The following SMC1A variants were observed in gnomAD, a reference collection of about 807,000 sequenced individuals.
SMC1A encodes the protein structural maintenance of chromosomes 1A.
Under a neutral mutation model 94.5 loss-of-function variants are expected in SMC1A, and 4 were observed. That is an observed-to-expected ratio of 0.04 (90% CI 0.02 to 0.10). SMC1A has a LOEUF of 0.10. Among genes scored for constraint, SMC1A ranks in the 10% least tolerant of loss-of-function variants. The probability of loss-of-function intolerance (pLI) is 1.00; values close to 1 mark genes in which losing one functional copy is unlikely to be tolerated. For missense variants in SMC1A, 304 were observed against 989.0 expected, an observed-to-expected ratio of 0.31 and a Z score of 9.29; for synonymous variants, 345 against 347.7, an observed-to-expected ratio of 0.99 and a Z score of 0.09.
At chrX:53,381,908 A>C in intron 22 of SMC1A, 1 of 339,292 alleles carries the variant, frequency 2.9e-6, no homozygotes. Context: ...AGAATGAGGA[A>C]GGGTGAAGGG....
intron 19 of SMC1A, 38 bp downstream of exon 19, chrX:53,394,740 A>AACCCCCC: frequency 2.8e-6 from 1 of 351,504 alleles, no homozygotes; most frequent in Non-Finnish European, 5.1e-6. Flanking sequence ...CTCCCACCCA[A>AACCCCCC]CCCCCACCCC....
At chrX:53,420,664 A>G in intron 1 of SMC1A, among the ~76,000 whole-genome samples, 1 of 112,185 alleles carries the variant, frequency 8.9e-6, no homozygotes, top group African/African-American at 3.2e-5. Flanking sequence ...CAGCAGGACT[A>G]GCACATCATG....
Position 53,377,987 on chromosome X carries a change from T to C in SMC1A, c.*2116A>G, listed in dbSNP as rs1276258406. The C allele has an allele frequency of 8.9e-6, 1 of 112,150 alleles. No homozygotes were observed. The highest frequency in any genetic ancestry group is 3.3e-5 in the African/African-American group (1 of 30,745). The allele number at this position is 112,150 out of a possible 1,213,427, so 9.2% of individuals were successfully genotyped here. ...AACAGACAAATTTATTTTGTTTTGA[T>C]AGTTATGTCTTTTAATATGTATTAG... On this transcript the variant is annotated 3_prime_UTR_variant, in exon 25 of 25. Transcript: ENST00000322213.
rs2075553918 is a variant in SMC1A at position 53,374,777 on chromosome X, C to G, written c.*5326G>C. On this transcript the variant is annotated 3_prime_UTR_variant, in exon 25 of 25. Coordinates refer to ENST00000322213, the MANE Select transcript of SMC1A (RefSeq NM_006306.4). The stretch of plus-strand genomic sequence containing the variant: ...ATCTCATTATACAAATGTCTCATGA[C>G]CTCTGCTTACTTATGGTTTCTGCAG... 2 of 112,499 alleles carry G rather than the reference C, an allele frequency of 1.8e-5. No homozygotes were observed. The highest frequency in any genetic ancestry group is 6.5e-5 in the African/African-American group (2 of 30,848). 9.3% of individuals were successfully genotyped at this position (112,499 alleles called of 1,213,427 possible).
In SMC1A at chrX:53,412,314, C is replaced by T; in HGVS notation, c.855-61G>A. 3 of 1,137,244 alleles carry T rather than the reference C, an allele frequency of 2.6e-6. No individual in the cohort carries two copies. The South Asian group carries it at 5.5e-5, about 21-fold the overall frequency. 93.7% of individuals were successfully genotyped at this position (1,137,244 alleles called of 1,213,427 possible). A position where few individuals can be genotyped will look rare whatever the true frequency, so the allele number is the denominator to read the frequency against. Reference sequence around the variant, plus strand: ...TATGGAAGAAGGGAGGGTTCCCAGGCTTTTCACCCAAAGGAGAGCTTGAGC... The same window carrying T: ...TATGGAAGAAGGGAGGGTTCCCAGGTTTTTCACCCAAAGGAGAGCTTGAGC... On this transcript the variant is annotated intron_variant, in intron 5 of 24. Transcript: ENST00000322213.
rs2075719772 is a variant in SMC1A, at chrX:53,413,092, A to G, written c.662T>C (p.Val221Ala). ...GTAAAGCTTAAAGAGCTGCAGCTGT[A>G]CCTGAGCCCGTACTACCTCATCCTT... is the stretch of plus-strand genomic sequence containing the variant. ...RLKDEVVRAQ[V>A]QLQLFKLYHN... Residue 221 changes from valine (V) to alanine (A), a missense_variant, in exon 5 of 25, where the codon GTA becomes GCA. Val to Ala is a moderately conservative substitution (Grantham distance 64). Transcript: ENST00000322213. The G allele has an allele frequency of 8.3e-7, 1 of 1,209,605 alleles. No individual in the cohort carries two copies. The highest frequency in any genetic ancestry group is 2.2e-5 in the Admixed American group (1 of 45,605).
chrX:53,406,688 T>C (rs1556889772), intron 9 of SMC1A, among the ~76,000 whole-genome samples: 1 of 111,616 alleles, frequency 9.0e-6, no homozygotes, highest in Admixed American at 9.5e-5. Flanking sequence ...ATTCTAGTAA[T>C]GTGCCAGTAT....
chrX:53,401,047 A>C lies in SMC1A; in HGVS notation c.2421-1317T>G, dbSNP rs889749241. 8.1e-5 allele frequency among the ~76,000 whole-genome samples: 9 copies of C among 110,751 alleles called. No individual in the cohort carries two copies. The Admixed American group carries it at 8.7e-4, about 11-fold the overall frequency. ...CAAGGCATGCTCTCTCACACTTCCA[A>C]GCATGCTGTTCTCTCTGCTTGGAAT... is the stretch of plus-strand genomic sequence containing the variant. On this transcript the variant is annotated intron_variant, in intron 15 of 24. Coordinates refer to ENST00000322213, the MANE Select transcript of SMC1A (RefSeq NM_006306.4).
chrX:53,389,876 G>A (rs1163473693), intron 19 of SMC1A, among the ~76,000 whole-genome samples: 6 of 76,728 alleles, frequency 7.8e-5, no homozygotes, highest in Non-Finnish European at 1.4e-4. Context: ...TTGAGACGGA[G>A]TCTTGCTCTG....
chrX:53,409,917 T>A (rs782594438), intron 7 of SMC1A, among the ~76,000 whole-genome samples: 13 of 112,119 alleles, frequency 1.2e-4, no homozygotes, highest in Non-Finnish European at 1.9e-4. Flanking sequence ...TTTTAAAAAA[T>A]TTTTATTATT....
At chrX:53,383,368 GTTC>G (rs782769824) in intron 19 of SMC1A, 115 bp from the exon 20 acceptor site, 40 of 696,910 alleles carry the variant, frequency 5.7e-5, no homozygotes, top group East Asian at 2.8e-4. Flanking sequence ...CGGAGGGCAG[GTTC>G]TTCTTCTCCA....
intron 19 of SMC1A, among the ~76,000 whole-genome samples, chrX:53,390,432 G>A (rs1356390459): frequency 4.7e-5 from 5 of 107,304 alleles, no homozygotes; most frequent in Non-Finnish European, 9.6e-5. Context: ...AGGTTGCAGT[G>A]AGCCAAGCTT....
Position 53,412,100 on chromosome X carries a change from C to T in SMC1A, c.1008G>A (p.Leu336=). 3.3e-6 allele frequency: 4 copies of T among 1,211,630 alleles called. No individual in the cohort carries two copies. The highest frequency in any genetic ancestry group is 4.5e-6 in the Non-Finnish European group (4 of 895,296). The change falls in exon 6 of 25, where the codon CTG becomes CTA. Residue 336 remains leucine (L), a synonymous_variant. Coordinates refer to ENST00000322213, the MANE Select transcript of SMC1A (RefSeq NM_006306.4). ...YKKRKGDMDE[L]EKEMLSVEKA... ...TCTCCACTGACAGCATCTCCTTCTC[C>T]AGCTCATCCATGTCACCTTTACGCT...
At chrX:53,421,440 T>C (rs2075755252) in intron 1 of SMC1A, among the ~76,000 whole-genome samples, 1 of 112,313 alleles carries the variant, frequency 8.9e-6, no homozygotes, top group Non-Finnish European at 1.9e-5. Flanking sequence ...ACTCAGTATG[T>C]GCTACTTCAG....
At chrX:53,413,558 T>C (rs1402342279) in intron 3 of SMC1A, 123 bp from the exon 4 acceptor site, 7 of 627,561 alleles carry the variant, frequency 1.1e-5, no homozygotes, top group Non-Finnish European at 1.8e-5. Context: ...GCTGCCACAT[T>C]TCACACTGGG....
At chrX:53,388,883 G>A (rs892396400) in intron 19 of SMC1A, among the ~76,000 whole-genome samples, 46 of 105,967 alleles carry the variant, frequency 4.3e-4, no homozygotes, top group Non-Finnish European at 8.1e-4. Context: ...TGTAGTCCCA[G>A]TTACTTGGGA....
At chrX:53,382,845 C>A (rs2075590337) in intron 20 of SMC1A, among the ~76,000 whole-genome samples, 185 bp from the exon 21 acceptor site, 1 of 110,932 alleles carries the variant, frequency 9.0e-6, no homozygotes, top group Non-Finnish European at 1.9e-5. Context: ...TGGAGCCACA[C>A]AAATATGGAT....
intron 3 of SMC1A, among the ~76,000 whole-genome samples, chrX:53,413,871 G>C (rs2075722307): frequency 9.0e-6 from 1 of 110,891 alleles, no homozygotes; most frequent in Non-Finnish European, 1.9e-5. Flanking sequence ...GAGATCAGGA[G>C]TTCAAGACCA....
rs587784407 is a variant in SMC1A at position 53,405,527 on chromosome X, C to T, written c.1877G>A (p.Arg626His). 1 of 1,212,102 alleles carries T rather than the reference C, an allele frequency of 8.3e-7. No individual in the cohort carries two copies. Among genetic ancestry groups the T allele is most frequent in the Non-Finnish European group, 1.1e-6 (1 of 895,606 alleles). Residue 626 changes from arginine (R) to histidine (H), a missense_variant, in exon 11 of 25, where the codon CGC becomes CAC. Physicochemically the swap from Arg to His is conservative, Grantham distance 29 (BLOSUM62 0). Around this residue, in one of 11 missense-constraint regions of SMC1A, gnomAD observed 57 missense variants for 278.1 expected, o/e 0.20. Coordinates refer to ENST00000322213, the MANE Select transcript of SMC1A (RefSeq NM_006306.4). ...ALVCDNVEDARRIAFGGHQRH... is the reference protein window; with the variant it reads ...ALVCDNVEDAHRIAFGGHQRH... ...CTGGTGGCCTCCAAAGGCAATGCGG[C>T]GGGCATCTTCCACGTTGTCACAGAC...
Sources: allele counts gnomAD v4.1 joint callset (sites outside exome capture counted in the v4.1 genomes callset), GRCh38; gene constraint gnomAD v4.1.1; regional missense constraint gnomAD v4.1.1; transcripts MANE v1.5; gene names NCBI Gene and HGNC (gene_info 2026-07-23, HGNC 2026-07-21).